The following ARHGAP1 variants were observed in gnomAD, a reference collection of about 807,000 sequenced individuals.
The protein encoded by ARHGAP1 is Rho GTPase activating protein 1.
Under a neutral mutation model 52.2 loss-of-function variants are expected in ARHGAP1, and 23 were observed. The ratio of observed to expected loss-of-function variants is 0.44; its 90% CI spans 0.32 to 0.62. The LOEUF (loss-of-function observed/expected upper bound fraction) is 0.62. ARHGAP1 is among the 20% of genes least tolerant of loss of function. The probability of loss-of-function intolerance (pLI) is 0.05; values close to 1 mark genes in which losing one functional copy is unlikely to be tolerated. For missense variants in ARHGAP1, 480 were observed against 560.9 expected (o/e 0.86, Z 1.46); for synonymous variants, 210 against 228.4 (o/e 0.92, Z 0.73).
intron 3 of ARHGAP1, among the ~76,000 whole-genome samples, chr11:46,692,358 G>A (rs533072521): frequency 3.3e-5 from 5 of 152,302 alleles, no homozygotes; most frequent in South Asian, 2.1e-4. Flanking sequence ...GGAAATGCTC[G>A]AGGACAATGG....
In ARHGAP1 at chr11:46,696,118, G is replaced by C. The variant is rs558537193; in HGVS notation, c.-11C>G. 107 of 1,585,470 alleles carry C rather than the reference G, an allele frequency of 6.7e-5. No homozygotes were observed. The South Asian group carries it at 8.5e-4, about 13-fold the overall frequency. On this transcript the variant is annotated 5_prime_UTR_variant, in exon 2 of 13. Transcript: ENST00000311956. The surrounding 1 kb of genome is among the most constrained non-coding windows in gnomAD (Gnocchi z 4.8). ...TGAGAGCGGATCCATGGCCAAGCCT[G>C]TCCCAGACAGCCTTGCCCTGCAGAA... is the stretch of plus-strand genomic sequence containing the variant.
intron 4 of ARHGAP1, among the ~76,000 whole-genome samples, chr11:46,685,325 T>C (rs1279737742): frequency 2.1e-5 from 3 of 145,498 alleles, no homozygotes; most frequent in South Asian, 2.2e-4. Context: ...ATTTCATGTA[T>C]ATTCTTTTTT....
At chr11:46,690,811 C>T (rs753748149) in intron 3 of ARHGAP1, among the ~76,000 whole-genome samples, 7 of 152,130 alleles carry the variant, frequency 4.6e-5, no homozygotes. Flanking sequence ...GGCTTGTGAG[C>T]AGCTCAAAGA....
At chr11:46,700,208 G>A (rs1270647190) in intron 1 of ARHGAP1, among the ~76,000 whole-genome samples, 1 of 152,196 alleles carries the variant, frequency 6.6e-6, no homozygotes, top group Admixed American at 6.5e-5. Flanking sequence ...GTGGCAAGGA[G>A]GAACACTTCC....
intron 4 of ARHGAP1, 74 bp from the exon 5 acceptor site, chr11:46,682,256 A>G: frequency 2.5e-6 from 4 of 1,583,174 alleles, no homozygotes; most frequent in Non-Finnish European, 3.5e-6. Flanking sequence ...AGCAGCCCCA[A>G]GAGTCTCCCA....
chr11:46,690,826 G>A (rs1312520513), intron 3 of ARHGAP1, among the ~76,000 whole-genome samples: 1 of 152,074 alleles, frequency 6.6e-6, no homozygotes, highest in Admixed American at 6.6e-5. Context: ...CAAAGACAGA[G>A]GCTGTGTCTC....
In ARHGAP1 at chr11:46,696,057, G is replaced by A. The variant is rs538910010; in HGVS notation, c.51C>T (p.Ser17=). 17 of 1,613,178 alleles carry A rather than the reference G, an allele frequency of 1.1e-5. No homozygotes were observed. The highest frequency in any genetic ancestry group is 3.3e-5 in the South Asian group (3 of 90,858). The part of the protein sequence containing the change: ...LQDDLTLDDT[S]EALNQLKLAS... Reference sequence around the variant, plus strand: ...CCAGCTTCAGCTGGTTCAGAGCCTCGCTGGTGTCATCCAAGGTCAGATCAT... The same window carrying A: ...CCAGCTTCAGCTGGTTCAGAGCCTCACTGGTGTCATCCAAGGTCAGATCAT... Residue 17 remains serine, a synonymous_variant, in exon 2 of 13, where the codon AGC becomes AGT. Coordinates refer to ENST00000311956, the MANE Select transcript of ARHGAP1 (RefSeq NM_004308.5). The surrounding 1 kb of genome is among the most constrained non-coding windows in gnomAD (Gnocchi z 4.8).
rs2064497753 is a variant in ARHGAP1, at chr11:46,678,426, G to C, written c.*611C>G. The C allele has an allele frequency of 6.1e-6, 1 of 165,004 alleles. No homozygotes were observed. Among genetic ancestry groups the C allele is most frequent in the African/African-American group, 2.4e-5 (1 of 41,504 alleles). 10.2% of individuals were successfully genotyped at this position (165,004 alleles called of 1,614,324 possible). ...GGGAAAGGCTGACCCAGGATGTGTG[G>C]AAGAGGAGGCAGAAAGCAGACACAG... On this transcript the variant is annotated 3_prime_UTR_variant, in exon 13 of 13. Transcript: ENST00000311956.
chr11:46,680,080 C>T lies in ARHGAP1; in HGVS notation c.898+125G>A. On this transcript the variant is annotated intron_variant, in intron 10 of 12. Coordinates refer to ENST00000311956, the MANE Select transcript of ARHGAP1 (RefSeq NM_004308.5). The surrounding 1 kb of genome is among the most constrained non-coding windows in gnomAD (Gnocchi z 5.9). ...TGGCAGAAGTAGGACTTATGTGACA[C>T]CCAGAGCCACGGAAACCTCCAGCAG... 4 of 1,243,936 alleles carry T rather than the reference C, an allele frequency of 3.2e-6. No homozygotes were observed. The highest frequency in any genetic ancestry group is 4.6e-6 in the Non-Finnish European group (4 of 863,512). The allele number at this position is 1,243,936 out of a possible 1,614,324, so 77.1% of individuals were successfully genotyped here. A position where few individuals can be genotyped will look rare whatever the true frequency, so the allele number is the denominator to read the frequency against.
At chr11:46,682,976 G>A (rs1473682000) in intron 4 of ARHGAP1, among the ~76,000 whole-genome samples, 1 of 150,606 alleles carries the variant, frequency 6.6e-6, no homozygotes. Flanking sequence ...GTCAAGTGCT[G>A]ATCCAAGGTC....
intron 4 of ARHGAP1, among the ~76,000 whole-genome samples, chr11:46,685,473 G>A (rs1032783204): frequency 6.0e-5 from 9 of 149,536 alleles, no homozygotes; most frequent in Non-Finnish European, 1.2e-4. Context: ...GATTACAGGC[G>A]CATGCCACTA....
chr11:46,684,731 T>C (rs909565894), intron 4 of ARHGAP1, among the ~76,000 whole-genome samples: 12 of 152,104 alleles, frequency 7.9e-5, no homozygotes, highest in Non-Finnish European at 1.6e-4. Context: ...TTGATGTCAA[T>C]AAAATGTTTT....
At chr11:46,698,447 CAA>C (rs879705741) in intron 1 of ARHGAP1, among the ~76,000 whole-genome samples, 3 of 135,286 alleles carry the variant, frequency 2.2e-5, no homozygotes, top group South Asian at 2.3e-4. Context: ...ACTAAAAGTA[CAA>C]AAAAAAAAAA....
intron 4 of ARHGAP1, among the ~76,000 whole-genome samples, chr11:46,686,574 C>A (rs1011927762): frequency 6.6e-6 from 1 of 152,064 alleles, no homozygotes; most frequent in Non-Finnish European, 1.5e-5. Flanking sequence ...CGCCACCACG[C>A]CTGGCTAATC....
chr11:46,680,632 A>G lies in ARHGAP1; in HGVS notation c.743+8T>C, dbSNP rs1319683695. 1.2e-6 allele frequency: 2 copies of G among 1,613,330 alleles called. No homozygotes were observed. Among genetic ancestry groups the G allele is most frequent in the Non-Finnish European group, 8.5e-7 (1 of 1,179,502 alleles). On this transcript the variant is annotated splice_region_variant and intron_variant, in intron 8 of 12. Coordinates refer to ENST00000311956, the MANE Select transcript of ARHGAP1 (RefSeq NM_004308.5). This position sits in a 1 kb window ranked among gnomAD's most constrained non-coding sequence, Gnocchi z 5.9. ...CCCCGCCGTGGCCCAGCCACCTTTCATACTTACTGCTGCAGCGAGACTCCA... is the reference window on the plus strand; with the variant it reads ...CCCCGCCGTGGCCCAGCCACCTTTCGTACTTACTGCTGCAGCGAGACTCCA...
At chr11:46,683,467 C>T (rs2064543932) in intron 4 of ARHGAP1, among the ~76,000 whole-genome samples, 1 of 152,312 alleles carries the variant, frequency 6.6e-6, no homozygotes, top group South Asian at 2.1e-4. Flanking sequence ...GCTCCAGTCA[C>T]TGGGCCTTTA....
intron 1 of ARHGAP1, among the ~76,000 whole-genome samples, chr11:46,698,965 C>T (rs2064677676): frequency 6.6e-6 from 1 of 152,182 alleles, no homozygotes; most frequent in African/African-American, 2.4e-5. Flanking sequence ...CTGTTTAAGA[C>T]ACCAGCCACC....
chr11:46,684,507 G>A (rs2064553548), intron 4 of ARHGAP1, among the ~76,000 whole-genome samples: 1 of 152,142 alleles, frequency 6.6e-6, no homozygotes. Flanking sequence ...CTAGTGGCAA[G>A]CTAACTGCAA....
At position 46,681,459 on chromosome 11, in the gene ARHGAP1, T is replaced by A. The variant is rs1231804328; in HGVS notation, c.450-80A>T. ...CTAGGGTCCCAGTGCATACTTTTTTTTTTTGAGACAGAGTCTCCTTCACCC... is the reference window on the plus strand; with the variant it reads ...CTAGGGTCCCAGTGCATACTTTTTTATTTTGAGACAGAGTCTCCTTCACCC... On this transcript the variant is annotated intron_variant, in intron 5 of 12. Coordinates refer to ENST00000311956, the MANE Select transcript of ARHGAP1 (RefSeq NM_004308.5). The surrounding 1 kb of genome is among the most constrained non-coding windows in gnomAD (Gnocchi z 5.7). 2 of 1,055,916 alleles carry A rather than the reference T, an allele frequency of 1.9e-6. No homozygotes were observed. The highest frequency in any genetic ancestry group is 3.2e-5 in the African/African-American group (2 of 63,180). The allele number at this position is 1,055,916 out of a possible 1,614,324, so 65.4% of individuals were successfully genotyped here.
Sources: gnomAD v4.1 joint callset for allele counts (sites outside exome capture counted in the v4.1 genomes callset) on GRCh38, gnomAD v4.1.1 for gene constraint, Gnocchi (gnomAD v3.1) non-coding constraint, MANE v1.5 for transcripts, NCBI Gene and HGNC (gene_info 2026-07-23, HGNC 2026-07-21) for gene names.